Variants in USP47 observed in about 807,000 individuals in gnomAD.
USP47 encodes ubiquitin carboxyl-terminal hydrolase 47.
Under a neutral mutation model 165.1 loss-of-function variants are expected in USP47, and 35 were observed. That is an observed-to-expected ratio of 0.21 (90% CI 0.16 to 0.28). The LOEUF is 0.28. Ranked by LOEUF, USP47 falls within the 10% of genes least tolerant of loss-of-function variation. USP47 has a pLI of 1.00. For synonymous variants in USP47, 531 were observed against 544.5 expected, an observed-to-expected ratio of 0.98 and a Z score of 0.35; for missense variants, 1,277 against 1,607.4, an observed-to-expected ratio of 0.79 and a Z score of 3.52.
intron 12 of USP47, among the ~76,000 whole-genome samples, 161 bp downstream of exon 12, chr11:11,929,726 C>G (rs542591055): frequency 1.3e-5 from 2 of 152,158 alleles, no homozygotes; most frequent in South Asian, 4.2e-4. Context: ...AAGTTCTTGC[C>G]TTTGTTTATT....
chr11:11,915,617 T>A (rs1036459262), intron 8 of USP47, among the ~76,000 whole-genome samples: 2 of 152,046 alleles, frequency 1.3e-5, no homozygotes, highest in African/African-American at 4.8e-5. Context: ...GTACAAGAGG[T>A]CTCTGTATGT....
rs10741562 is a variant in USP47, at chr11:11,933,239, G to A, written c.1764+123G>A. The A allele has an allele frequency of 0.76, 608,403 of 797,482 alleles. 234,913 individuals are homozygous for A. Among genetic ancestry groups the A allele is most frequent in the Middle Eastern group, 0.93 (3,811 of 4,120 alleles). The allele number at this position is 797,482 out of a possible 1,614,324, so 49.4% of individuals were successfully genotyped here. A position where few individuals can be genotyped will look rare whatever the true frequency, so the allele number is the denominator to read the frequency against. ...ATTATGCTATCATGATCATTGAACA[G>A]TGTAACCAACTATACTATAAAGGTA... On this transcript the variant is annotated intron_variant, in intron 15 of 27. Transcript: ENST00000527733.
At chr11:11,891,652 C>T (rs1407017472) in intron 3 of USP47, among the ~76,000 whole-genome samples, 3 of 152,192 alleles carry the variant, frequency 2.0e-5, no homozygotes, top group Non-Finnish European at 2.9e-5. Context: ...CAGTAGGAAA[C>T]TATCCATCTC....
intron 1 of USP47, among the ~76,000 whole-genome samples, chr11:11,852,814 T>G (rs1376495973): frequency 6.6e-6 from 1 of 152,210 alleles, no homozygotes. Flanking sequence ...TGTTTTTGTC[T>G]CATGCCCCAA....
At chr11:11,918,381 A>G (rs1853583198) in intron 8 of USP47, among the ~76,000 whole-genome samples, 1 of 152,124 alleles carries the variant, frequency 6.6e-6, no homozygotes, top group Admixed American at 6.6e-5. Flanking sequence ...TGTGTACTAG[A>G]TGGAGAGAAA....
rs1847379069 is a variant in USP47, at chr11:11,959,914, C to T, written c.*3739C>T. Among the ~76,000 whole-genome samples the T allele has an allele frequency of 6.6e-6, 1 of 152,184 alleles. No homozygotes were observed. The highest frequency in any genetic ancestry group is 1.5e-5 in the Non-Finnish European group (1 of 68,040). On this transcript the variant is annotated 3_prime_UTR_variant, in exon 28 of 28. Transcript: ENST00000527733. ...TTCCCTCTGCTTTCCATGTTTCCCA[C>T]CTGCCCTCTCCCCACCTGTTTTCAG...
At chr11:11,952,942 A>T in intron 25 of USP47, 71 bp downstream of exon 25, 1 of 1,088,502 alleles carries the variant, frequency 9.2e-7, no homozygotes, top group African/African-American at 1.7e-5. Context: ...AAAATATATA[A>T]TATATAAACA....
At chr11:11,915,359 G>C (rs1853336159) in intron 8 of USP47, among the ~76,000 whole-genome samples, 1 of 152,166 alleles carries the variant, frequency 6.6e-6, no homozygotes, top group African/African-American at 2.4e-5. Context: ...AGGAGAAGCA[G>C]GTGGTTGTGG....
intron 11 of USP47, among the ~76,000 whole-genome samples, 191 bp downstream of exon 11, chr11:11,923,082 A>ATG (rs1461498425): frequency 3.9e-5 from 5 of 129,174 alleles, no homozygotes; most frequent in African/African-American, 1.5e-4. Flanking sequence ...ATATATATAT[A>ATG]TATGACTATA....
At chr11:11,875,820 C>T (rs1044488877) in intron 1 of USP47, among the ~76,000 whole-genome samples, 7 of 152,234 alleles carry the variant, frequency 4.6e-5, no homozygotes, top group East Asian at 3.9e-4. Flanking sequence ...CCAGGTTGGT[C>T]TGGAACTCCT....
chr11:11,892,818 T>TAAAAAA (rs778720093), intron 4 of USP47, among the ~76,000 whole-genome samples: 5 of 80,092 alleles, frequency 6.2e-5, no homozygotes, highest in East Asian at 8.5e-4. Context: ...CTGTCTCAAG[T>TAAAAAA]AAAAAAAAAA....
At chr11:11,936,600 A>G in intron 17 of USP47, 90 bp downstream of exon 17, 1 of 1,101,754 alleles carries the variant, frequency 9.1e-7, no homozygotes. Flanking sequence ...AACATAATTT[A>G]AATTTTGTAT....
At chr11:11,895,373 A>C (rs1028836833) in intron 4 of USP47, among the ~76,000 whole-genome samples, 1 of 152,148 alleles carries the variant, frequency 6.6e-6, no homozygotes, top group East Asian at 1.9e-4. Context: ...TAAGCATCCA[A>C]GGTGGTTGTG....
intron 15 of USP47, 108 bp downstream of exon 15, chr11:11,933,224 C>T: frequency 3.3e-6 from 3 of 899,632 alleles, no homozygotes; most frequent in Non-Finnish European, 5.2e-6. Flanking sequence ...ATTATGCTAT[C>T]ATGATCATTG....
rs373066181 is a variant in USP47 at position 11,933,103 on chromosome 11, G to T, written c.1751G>T (p.Arg584Leu). Residue 584 changes from arginine to leucine, a missense_variant, in exon 15 of 28, where the codon CGC becomes CTC. Arg to Leu is a moderately radical substitution (Grantham distance 102, BLOSUM62 -2). Around this residue, in one of 4 missense-constraint regions of USP47, gnomAD observed 909 missense variants for 1,068.1 expected, o/e 0.85. Coordinates refer to ENST00000527733, the MANE Select transcript of USP47 (RefSeq NM_001282659.2). ...EQEKRQREIE[R>L]NTCKIKLFCL... ...GAAAAGAGACAACGAGAAATTGAGC[G>T]CAATACATGCAAGGTTGAATTCCAT... 101 of 1,612,250 alleles carry T rather than the reference G, an allele frequency of 6.3e-5. No individual in the cohort carries two copies. Among genetic ancestry groups the T allele is most frequent in the Non-Finnish European group, 8.3e-5 (98 of 1,179,090 alleles).
At chr11:11,921,232 G>GTT (rs547813308) in intron 10 of USP47, among the ~76,000 whole-genome samples, 1 of 145,920 alleles carries the variant, frequency 6.9e-6, no homozygotes, top group African/African-American at 2.5e-5. Flanking sequence ...ACCCTGAAGC[G>GTT]TTTTTTTTTT....
At chr11:11,900,106 A>G (rs996024998) in intron 5 of USP47, among the ~76,000 whole-genome samples, 42 of 152,150 alleles carry the variant, frequency 2.8e-4, no homozygotes, top group African/African-American at 9.9e-4. Flanking sequence ...TAAAGTATCC[A>G]GAGAGTAGTG....
At chr11:11,878,587 ATGTT>A (rs1428296647) in intron 1 of USP47, 2 of 152,084 alleles carry the variant, frequency 1.3e-5, no homozygotes, top group Non-Finnish European at 2.9e-5. Flanking sequence ...TTTGAAATGT[ATGTT>A]AATAATGTTC....
intron 8 of USP47, among the ~76,000 whole-genome samples, chr11:11,914,814 C>A (rs72857612): frequency 0.13 from 20,479 of 152,116 alleles, 1,759 homozygotes; most frequent in Middle Eastern, 0.4. Context: ...ATATATTATT[C>A]TTTACCTGCC....
Sources: allele counts gnomAD v4.1 joint callset (sites outside exome capture counted in the v4.1 genomes callset), GRCh38; gene constraint gnomAD v4.1.1; regional missense constraint gnomAD v4.1.1; transcripts MANE v1.5; gene names NCBI Gene and HGNC (gene_info 2026-07-23, HGNC 2026-07-21).